The following KHDRBS2 variants were observed in gnomAD, a reference collection of about 807,000 sequenced individuals.
KHDRBS2 encodes KH RNA binding domain containing, signal transduction associated 2.
KHDRBS2 carries 26 observed loss-of-function variants against 44.3 expected under a neutral mutation model. That is an observed-to-expected ratio of 0.59 (90% CI 0.43 to 0.81). KHDRBS2 has a LOEUF of 0.81. KHDRBS2 is among the 40% of genes least tolerant of loss of function. The pLI, the probability that KHDRBS2 is intolerant of heterozygous loss-of-function variation, is 0.00. For synonymous variants in KHDRBS2, 194 were observed against 151.1 expected (o/e 1.28, Z -2.08); for missense variants, 476 against 433.1 (o/e 1.10, Z -0.88).
chr6:61,796,093 C>T (rs949361658), intron 6 of KHDRBS2, among the ~76,000 whole-genome samples: 11 of 151,910 alleles, frequency 7.2e-5, no homozygotes, highest in African/African-American at 2.2e-4. Flanking sequence ...TTCAATCATG[C>T]TCTAAGATTA....
chr6:61,952,146 A>G (rs1246703026), intron 4 of KHDRBS2, among the ~76,000 whole-genome samples: 1 of 152,128 alleles, frequency 6.6e-6, no homozygotes, highest in Non-Finnish European at 1.5e-5. Flanking sequence ...ATAAGCATAC[A>G]TAGCAGAACA....
intron 6 of KHDRBS2, among the ~76,000 whole-genome samples, chr6:61,845,735 T>C (rs1230449288): frequency 6.6e-6 from 1 of 152,196 alleles, no homozygotes; most frequent in Non-Finnish European, 1.5e-5. Flanking sequence ...AGAGAATAAA[T>C]CTGAGAAAGC....
chr6:61,637,112 C>A, the KHDRBS2 span, among the ~76,000 whole-genome samples: 1 of 151,968 alleles, frequency 6.6e-6, no homozygotes, highest in African/African-American at 2.4e-5. Context: ...ATACATGTGC[C>A]ATGCTGGTGT....
At chr6:61,555,155 T>G in the KHDRBS2 span, among the ~76,000 whole-genome samples, 2 of 152,302 alleles carry the variant, frequency 1.3e-5, no homozygotes, top group African/African-American at 4.8e-5. Flanking sequence ...AGTCATAAAT[T>G]GGGTCTCTTT....
At chr6:62,273,374 T>G (rs1315478982) in intron 1 of KHDRBS2, among the ~76,000 whole-genome samples, 1 of 152,192 alleles carries the variant, frequency 6.6e-6, no homozygotes, top group Admixed American at 6.5e-5. Flanking sequence ...CTCAGTCTGT[T>G]CTTTGTTGCC....
chr6:61,884,872 C>T (rs1436363699), intron 6 of KHDRBS2, among the ~76,000 whole-genome samples: 1 of 152,030 alleles, frequency 6.6e-6, no homozygotes, highest in African/African-American at 2.4e-5. Context: ...GTGTATTTTC[C>T]TATAAATGTT....
intron 6 of KHDRBS2, among the ~76,000 whole-genome samples, chr6:61,892,350 C>A (rs929878826): frequency 6.6e-6 from 1 of 152,146 alleles, no homozygotes; most frequent in South Asian, 2.1e-4. Context: ...AGATTCAATG[C>A]CATCCCCATC....
At position 61,982,277 on chromosome 6, in the gene KHDRBS2, C is replaced by G. The variant is rs1281704277; in HGVS notation, c.337-4065G>C. On this transcript the variant is annotated intron_variant, in intron 3 of 8. Coordinates refer to ENST00000281156, the MANE Select transcript of KHDRBS2 (RefSeq NM_152688.4). ...GCTCTTGGAAGCAGCTACTGGATAG[C>G]ATGCTTTGTCTTTACAAAACGGGAT... Among the ~76,000 whole-genome samples, 5 of 152,190 alleles carry G rather than the reference C, an allele frequency of 3.3e-5. No individual in the cohort carries two copies. In the South Asian group the frequency reaches 8.3e-4, roughly 25 times the overall value.
chr6:62,125,521 C>T (rs1477443956), intron 2 of KHDRBS2, among the ~76,000 whole-genome samples: 3 of 152,132 alleles, frequency 2.0e-5, no homozygotes, highest in Non-Finnish European at 4.4e-5. Context: ...GCCGGGGCAG[C>T]CAAGGTAGTG....
At position 61,680,197 on chromosome 6, in the gene KHDRBS2, A is replaced by G. The variant is rs1193608947; in HGVS notation, c.*766T>C. 2.6e-5 allele frequency: 4 copies of G among 152,404 alleles called. No individual in the cohort carries two copies. The highest frequency in any genetic ancestry group is 5.9e-5 in the Non-Finnish European group (4 of 67,928). 9.4% of individuals were successfully genotyped at this position (152,404 alleles called of 1,614,324 possible). Reference sequence around the variant, plus strand: ...TAGGCATCTCTTGAAGAAGAAATAAAGCAGGCATTTAAAGCTAGAAAACAA... The same window carrying G: ...TAGGCATCTCTTGAAGAAGAAATAAGGCAGGCATTTAAAGCTAGAAAACAA... On this transcript the variant is annotated 3_prime_UTR_variant, in exon 9 of 9. Coordinates refer to ENST00000281156, the MANE Select transcript of KHDRBS2 (RefSeq NM_152688.4).
At chr6:61,788,308 T>G (rs1784125199) in intron 6 of KHDRBS2, among the ~76,000 whole-genome samples, 1 of 151,622 alleles carries the variant, frequency 6.6e-6, no homozygotes, top group African/African-American at 2.4e-5. Context: ...CTTCTAGCTT[T>G]TAAATAAGGT....
At chr6:62,123,697 T>C (rs546124345) in intron 2 of KHDRBS2, among the ~76,000 whole-genome samples, 1 of 152,340 alleles carries the variant, frequency 6.6e-6, no homozygotes, top group East Asian at 1.9e-4. Flanking sequence ...GCCATAAATA[T>C]GAAAACATTT....
At chr6:62,069,076 A>C (rs1794406884) in intron 2 of KHDRBS2, among the ~76,000 whole-genome samples, 1 of 151,628 alleles carries the variant, frequency 6.6e-6, no homozygotes, top group Non-Finnish European at 1.5e-5. Context: ...TCTTAGCAAT[A>C]GAGTTGACCC....
intron 2 of KHDRBS2, among the ~76,000 whole-genome samples, chr6:62,159,825 C>T (rs1359109563): frequency 2.0e-5 from 3 of 152,114 alleles, no homozygotes; most frequent in Middle Eastern, 3.4e-3. Flanking sequence ...ATTTACTACT[C>T]CTTAAGTGGA....
intron 3 of KHDRBS2, among the ~76,000 whole-genome samples, chr6:62,033,606 A>G (rs1281020702): frequency 6.6e-6 from 1 of 151,454 alleles, no homozygotes; most frequent in Non-Finnish European, 1.5e-5. Context: ...ATAATAGTAT[A>G]TCTGGATATA....
In KHDRBS2 at chr6:62,285,875, GAC is replaced by G; in HGVS notation, c.72_73del (p.Ser25AlafsTer8). 1 of 1,612,830 alleles carries G rather than the reference GAC, an allele frequency of 6.2e-7. No homozygotes were observed. Among genetic ancestry groups the G allele is most frequent in the Non-Finnish European group, 8.5e-7 (1 of 1,179,412 alleles). ...AGTCCTACCTTCTGCCAAAAGGCGCGACGCATGCACAAAAGATGGATCCAGGC... is the reference window on the plus strand; with the variant it reads ...AGTCCTACCTTCTGCCAAAAGGCGCGGCATGCACAAAAGATGGATCCAGGC... On this transcript the variant is annotated frameshift_variant, in exon 1 of 9. Coordinates refer to ENST00000281156, the MANE Select transcript of KHDRBS2 (RefSeq NM_152688.4). LOFTEE classifies it high-confidence loss of function.
At chr6:62,096,560 T>G (rs1204888608) in intron 2 of KHDRBS2, among the ~76,000 whole-genome samples, 1 of 151,936 alleles carries the variant, frequency 6.6e-6, no homozygotes, top group Admixed American at 6.6e-5. Flanking sequence ...AAGGTGTCAG[T>G]TTTAATGATT....
intron 7 of KHDRBS2, among the ~76,000 whole-genome samples, chr6:61,715,587 G>GC (rs939975749): frequency 1.3e-5 from 2 of 151,930 alleles, no homozygotes; most frequent in African/African-American, 4.8e-5. Flanking sequence ...CTTCTGAGAA[G>GC]CCTTGTAATA....
intron 4 of KHDRBS2, among the ~76,000 whole-genome samples, chr6:61,933,920 G>A (rs1169498237): frequency 6.6e-6 from 1 of 152,090 alleles, no homozygotes; most frequent in Non-Finnish European, 1.5e-5. Context: ...TCTACCAACA[G>A]TGTATAAGGG....
Sources: allele counts gnomAD v4.1 joint callset (sites outside exome capture counted in the v4.1 genomes callset), GRCh38; gene constraint gnomAD v4.1.1; transcripts MANE v1.5; gene names NCBI Gene and HGNC (gene_info 2026-07-23, HGNC 2026-07-21).